The following UTRN variants were observed in gnomAD, a reference collection of about 807,000 sequenced individuals.
UTRN encodes the protein utrophin.
UTRN carries 283 observed loss-of-function variants against 463.9 expected under a neutral mutation model. That is an observed-to-expected ratio of 0.61 (90% CI 0.55 to 0.67). The LOEUF is 0.67. Among genes scored for constraint, UTRN ranks in the 30% least tolerant of loss-of-function variants. UTRN has a pLI of 0.00. For missense variants in UTRN, 3,922 were observed against 4,084.3 expected, an observed-to-expected ratio of 0.96 and a Z score of 1.08; for synonymous variants, 1,442 against 1,431.5, an observed-to-expected ratio of 1.01 and a Z score of -0.17.
intron 55 of UTRN, among the ~76,000 whole-genome samples, chr6:144,751,042 C>T (rs1422632461): frequency 6.6e-6 from 1 of 152,122 alleles, no homozygotes; most frequent in Non-Finnish European, 1.5e-5. Flanking sequence ...AGGGATAGAT[C>T]TTACCTCTTG....
chr6:144,287,406 CTG>C (rs1235996158), intron 1 of UTRN, among the ~76,000 whole-genome samples: 7 of 152,158 alleles, frequency 4.6e-5, no homozygotes, highest in African/African-American at 1.4e-4. Context: ...TTTTCTTTTA[CTG>C]TGTTTCAAGC....
intron 51 of UTRN, among the ~76,000 whole-genome samples, chr6:144,598,829 G>A (rs150960178): frequency 6.6e-6 from 1 of 152,244 alleles, no homozygotes; most frequent in Non-Finnish European, 1.5e-5. Flanking sequence ...ATCACGGCCT[G>A]AACTAGTGTT....
chr6:144,640,025 G>A (rs1777606537), intron 51 of UTRN, among the ~76,000 whole-genome samples: 1 of 151,748 alleles, frequency 6.6e-6, no homozygotes, highest in Non-Finnish European at 1.5e-5. Flanking sequence ...AAATGGCCCA[G>A]TGAACAAAGT....
intron 2 of UTRN, among the ~76,000 whole-genome samples, chr6:144,294,291 A>G (rs139295749): frequency 1.3e-5 from 2 of 152,302 alleles, no homozygotes; most frequent in Non-Finnish European, 2.9e-5. Flanking sequence ...AAGCCAGTAG[A>G]TAAATTTGGA....
intron 51 of UTRN, among the ~76,000 whole-genome samples, chr6:144,664,890 T>A (rs1483924031): frequency 1.3e-5 from 2 of 151,570 alleles, no homozygotes; most frequent in Non-Finnish European, 2.9e-5. Flanking sequence ...ATATATATAT[T>A]TTTAAAATCA....
rs575478751 is a variant in UTRN at position 144,764,144 on chromosome 6, A to G, written c.8495+6155A>G. ...CAAGTCTGCTGATGGGGAGGTAAGAACAAAATTGCTTTATGAAAGAATGTA... is the reference window on the plus strand; with the variant it reads ...CAAGTCTGCTGATGGGGAGGTAAGAGCAAAATTGCTTTATGAAAGAATGTA... On this transcript the variant is annotated intron_variant, in intron 58 of 74. Coordinates refer to ENST00000367545, the MANE Select transcript of UTRN (RefSeq NM_007124.3). Among the ~76,000 whole-genome samples, 21 of 152,324 alleles carry G rather than the reference A, an allele frequency of 1.4e-4. No homozygotes were observed. In the East Asian group the frequency reaches 4.1e-3, roughly 29 times the overall value.
intron 51 of UTRN, 32 bp from the exon 52 acceptor site, chr6:144,678,374 C>T: frequency 6.3e-7 from 1 of 1,597,220 alleles, no homozygotes; most frequent in Non-Finnish European, 8.6e-7. Context: ...ATTCCTAACA[C>T]TTGCATTATC....
chr6:144,498,202 C>T (rs569008011), intron 33 of UTRN, among the ~76,000 whole-genome samples: 2 of 152,328 alleles, frequency 1.3e-5, no homozygotes, highest in South Asian at 4.1e-4. Flanking sequence ...GTGGTAGAAG[C>T]CAGAATGGCA....
At chr6:144,469,947 A>T (rs1382070136) in intron 23 of UTRN, among the ~76,000 whole-genome samples, 1 of 152,160 alleles carries the variant, frequency 6.6e-6, no homozygotes, top group Non-Finnish European at 1.5e-5. Context: ...AACAAAGCAC[A>T]TCTTGCACCG....
chr6:144,783,731 T>C (rs977319516), intron 61 of UTRN, among the ~76,000 whole-genome samples: 1 of 152,154 alleles, frequency 6.6e-6, no homozygotes, highest in Non-Finnish European at 1.5e-5. Context: ...TGTCCTCCTC[T>C]CTCGATTTTT....
chr6:144,302,735 G>A (rs543993361), intron 2 of UTRN, among the ~76,000 whole-genome samples: 2 of 152,324 alleles, frequency 1.3e-5, no homozygotes, highest in East Asian at 1.9e-4. Context: ...GAGGAAGGAT[G>A]TCTTGCTTTG....
chr6:144,726,617 G>A (rs541444360), intron 53 of UTRN, among the ~76,000 whole-genome samples: 25 of 152,294 alleles, frequency 1.6e-4, no homozygotes, highest in African/African-American at 6.0e-4. Context: ...CATAGTAGAA[G>A]GTGCCAGGTC....
intron 51 of UTRN, among the ~76,000 whole-genome samples, chr6:144,605,953 G>T (rs774213446): frequency 6.6e-6 from 1 of 152,046 alleles, no homozygotes. Flanking sequence ...TGTCTTAGTG[G>T]CATTTATGTC....
chr6:144,354,437 A>G (rs1457125018), intron 2 of UTRN, among the ~76,000 whole-genome samples: 1 of 152,208 alleles, frequency 6.6e-6, no homozygotes, highest in Non-Finnish European at 1.5e-5. Flanking sequence ...GTGCTGCAGC[A>G]TCCAACCACG....
At chr6:144,338,490 G>C (rs957431004) in intron 2 of UTRN, among the ~76,000 whole-genome samples, 1 of 152,210 alleles carries the variant, frequency 6.6e-6, no homozygotes, top group Admixed American at 6.5e-5. Context: ...TGGGTGCCGT[G>C]TAGTTGATCA....
chr6:144,424,155 A>G, intron 6 of UTRN, 77 bp downstream of exon 6: 3 of 1,462,558 alleles, frequency 2.1e-6, no homozygotes, highest in Non-Finnish European at 2.9e-6. Flanking sequence ...AGGCTGCCGT[A>G]ACCAAGTACC....
At chr6:144,533,738 A>ATAATAT (rs1456847665) in intron 43 of UTRN, among the ~76,000 whole-genome samples, 1 of 150,912 alleles carries the variant, frequency 6.6e-6, no homozygotes, top group Non-Finnish European at 1.5e-5. Flanking sequence ...ATAATATAAT[A>ATAATAT]TAGTATTATT....
intron 65 of UTRN, among the ~76,000 whole-genome samples, chr6:144,804,879 A>G (rs1778007743): frequency 6.6e-6 from 1 of 152,126 alleles, no homozygotes; most frequent in South Asian, 2.1e-4. Flanking sequence ...GTGAGCAGGG[A>G]CCTGTCTTCA....
intron 30 of UTRN, among the ~76,000 whole-genome samples, chr6:144,489,641 A>G (rs1309637594): frequency 6.6e-6 from 1 of 152,100 alleles, no homozygotes; most frequent in Non-Finnish European, 1.5e-5. Flanking sequence ...ATTATTTTTT[A>G]GACGGATTCT....
Sources: allele counts gnomAD v4.1 joint callset (sites outside exome capture counted in the v4.1 genomes callset), GRCh38; gene constraint gnomAD v4.1.1; transcripts MANE v1.5; gene names NCBI Gene and HGNC (gene_info 2026-07-23, HGNC 2026-07-21).